TFPI: variants seen among roughly 807,000 people sequenced by gnomAD.
TFPI encodes the protein tissue factor pathway inhibitor.
A neutral mutation model predicts 34.6 loss-of-function variants in TFPI; 15 were observed. The ratio of observed to expected loss-of-function variants is 0.43; its 90% confidence interval spans 0.29 to 0.67. The LOEUF (loss-of-function observed/expected upper bound fraction) is 0.67. Ranked by LOEUF, TFPI falls within the 30% of genes least tolerant of loss-of-function variation. The pLI, the probability that TFPI is intolerant of heterozygous loss-of-function variation, is 0.15. For synonymous variants in TFPI, 105 were observed against 120.1 expected, an observed-to-expected ratio of 0.87 and a Z score of 0.82; for missense variants, 301 against 364.0, an observed-to-expected ratio of 0.83 and a Z score of 1.41.
At position 187,466,981 on chromosome 2, in the gene TFPI, C is replaced by T. The variant is rs1691746734; in HGVS notation, c.870G>A (p.Gln290=). ...TTTCTTCATATGCTATTTTCACTCTCTGCTTCTTTCTTTTTCTTTTGGTTT... is the reference window on the plus strand; with the variant it reads ...TTTCTTCATATGCTATTTTCACTCTTTGCTTCTTTCTTTTTCTTTTGGTTT... The part of the protein sequence containing the change: ...LIKTKRKRKK[Q]RVKIAYEEIF... The change falls in exon 8 of 8, where the codon CAG becomes CAA. Residue 290 remains glutamine (Q), a synonymous_variant. Transcript: ENST00000233156. 6.3e-7 allele frequency: 1 copy of T among 1,589,700 alleles called. No homozygotes were observed. The highest frequency in any genetic ancestry group is 1.1e-5 in the South Asian group (1 of 87,974).
chr2:187,478,232 T>A (rs1692516261), intron 6 of TFPI, among the ~76,000 whole-genome samples: 1 of 152,000 alleles, frequency 6.6e-6, no homozygotes, highest in Non-Finnish European at 1.5e-5. Context: ...TGGTGGCACA[T>A]GCCTGTAATC....
intron 6 of TFPI, among the ~76,000 whole-genome samples, chr2:187,481,006 T>C (rs1225016914): frequency 6.6e-6 from 1 of 152,096 alleles, no homozygotes; most frequent in Non-Finnish European, 1.5e-5. Context: ...ATTATGATAA[T>C]GTTTAACTAA....
intron 1 of TFPI, among the ~76,000 whole-genome samples, chr2:187,546,408 T>C (rs1309331526): frequency 1.6e-5 from 2 of 128,020 alleles, no homozygotes; most frequent in African/African-American, 6.1e-5. Flanking sequence ...TTATGGTATG[T>C]TATCGTCATT....
intron 1 of TFPI, among the ~76,000 whole-genome samples, chr2:187,536,815 T>C (rs1688283642): frequency 6.6e-6 from 1 of 152,212 alleles, no homozygotes; most frequent in Admixed American, 6.5e-5. Context: ...GCAGATGACA[T>C]GATTGTATAT....
chr2:187,505,370 A>G (rs1686137448), intron 1 of TFPI, among the ~76,000 whole-genome samples: 1 of 152,148 alleles, frequency 6.6e-6, no homozygotes, highest in Non-Finnish European at 1.5e-5. Flanking sequence ...TGCTAGGATT[A>G]GAAACCAGCT....
chr2:187,511,454 G>T (rs1040980866), intron 1 of TFPI, among the ~76,000 whole-genome samples: 21 of 152,016 alleles, frequency 1.4e-4, no homozygotes, highest in Admixed American at 1.1e-3. Flanking sequence ...TTTGTTTTGC[G>T]GTGTGCATGT....
At chr2:187,511,437 C>T (rs985261018) in intron 1 of TFPI, among the ~76,000 whole-genome samples, 4 of 152,078 alleles carry the variant, frequency 2.6e-5, no homozygotes, top group Non-Finnish European at 2.9e-5. Context: ...GCCCTTTTTA[C>T]TTGTTCTTTG....
At chr2:187,467,630 T>C in intron 7 of TFPI, 123 bp downstream of exon 7, 1 of 871,612 alleles carries the variant, frequency 1.1e-6, no homozygotes, top group South Asian at 3.5e-5. Context: ...AAGAGGACAT[T>C]TATTAGCTAG....
intron 1 of TFPI, chr2:187,513,740 C>T (rs1384277196): frequency 1.3e-5 from 2 of 152,582 alleles, no homozygotes; most frequent in East Asian, 1.9e-4. Context: ...GAAAACCCTA[C>T]CAAACTAAGC....
chr2:187,550,575 A>G (rs895113383), intron 1 of TFPI, among the ~76,000 whole-genome samples: 3 of 152,174 alleles, frequency 2.0e-5, no homozygotes, highest in African/African-American at 7.2e-5. Flanking sequence ...ATTACTAGGG[A>G]TGCAAAGAAC....
chr2:187,524,076 A>G (rs992037212), intron 1 of TFPI, among the ~76,000 whole-genome samples: 2 of 152,116 alleles, frequency 1.3e-5, no homozygotes, highest in Admixed American at 1.3e-4. Context: ...GCTGTAGCAT[A>G]TATGATTGCT....
At chr2:187,508,771 T>G (rs915102058) in intron 1 of TFPI, among the ~76,000 whole-genome samples, 1 of 152,184 alleles carries the variant, frequency 6.6e-6, no homozygotes, top group Admixed American at 6.5e-5. Context: ...TCTCTTCCTA[T>G]TTGAATAAAC....
chr2:187,485,130 A>G, intron 4 of TFPI, 143 bp from the exon 5 acceptor site: 1 of 576,726 alleles, frequency 1.7e-6, no homozygotes, highest in Non-Finnish European at 2.7e-6. Context: ...TTATCCATAA[A>G]TATACACTAT....
At chr2:187,480,715 T>G (rs909410783) in intron 6 of TFPI, among the ~76,000 whole-genome samples, 3 of 152,080 alleles carry the variant, frequency 2.0e-5, no homozygotes, top group African/African-American at 7.2e-5. Context: ...ATGGATATAC[T>G]CAACACAGCC....
intron 3 of TFPI, among the ~76,000 whole-genome samples, chr2:187,489,658 T>C (rs1408229808): frequency 1.3e-5 from 2 of 151,574 alleles, no homozygotes; most frequent in Admixed American, 1.3e-4. Flanking sequence ...GATGGGAATA[T>C]ATAAATGCTT....
At position 187,554,228 on chromosome 2, in the gene TFPI, A is replaced by T. The variant is rs1238079407; in HGVS notation, c.-31T>A. Reference sequence around the variant, plus strand: ...TAAAATCTCTGATGAAAGTTCTTGGAATGTTTTTTTCAAAACGGAGTTGAG... The same window carrying T: ...TAAAATCTCTGATGAAAGTTCTTGGTATGTTTTTTTCAAAACGGAGTTGAG... On this transcript the variant is annotated 5_prime_UTR_variant, in exon 1 of 8. Coordinates refer to ENST00000233156, the MANE Select transcript of TFPI (RefSeq NM_006287.6). 1.3e-5 allele frequency: 2 copies of T among 152,076 alleles called. No individual in the cohort carries two copies. Among genetic ancestry groups the T allele is most frequent in the Non-Finnish European group, 2.9e-5 (2 of 68,014 alleles). The allele number at this position is 152,076 out of a possible 1,614,324, so 9.4% of individuals were successfully genotyped here. A position where few individuals can be genotyped will look rare whatever the true frequency, so the allele number is the denominator to read the frequency against.
rs1688940351 is a variant in TFPI at position 187,547,688 on chromosome 2, A to G, written c.-3+6512T>C. 5 of 152,312 alleles carry G rather than the reference A, an allele frequency of 3.3e-5. No individual in the cohort carries two copies. In the South Asian group the frequency reaches 8.3e-4, roughly 25 times the overall value. 9.4% of individuals were successfully genotyped at this position (152,312 alleles called of 1,614,324 possible). ...AGAAAACCCATGAAGGATGAGAACT[A>G]TGGGTCCTGAGAATGACAGGTAATT... On this transcript the variant is annotated intron_variant, in intron 1 of 7. Transcript: ENST00000233156.
intron 1 of TFPI, among the ~76,000 whole-genome samples, chr2:187,536,761 AG>A (rs201986973): frequency 0.37 from 56,194 of 151,964 alleles, 11,517 homozygotes; most frequent in Non-Finnish European, 0.47. Flanking sequence ...AAAGAAATAA[AG>A]GGTATTCAAA....
intron 2 of TFPI, among the ~76,000 whole-genome samples, chr2:187,497,610 C>T (rs1196095081): frequency 2.0e-5 from 3 of 151,776 alleles, no homozygotes; most frequent in African/African-American, 7.3e-5. Context: ...TTTTAACTTA[C>T]CATACCATGC....
Sources: gnomAD v4.1 joint callset for allele counts (sites outside exome capture counted in the v4.1 genomes callset) on GRCh38, gnomAD v4.1.1 for gene constraint, MANE v1.5 for transcripts, NCBI Gene and HGNC (gene_info 2026-07-23, HGNC 2026-07-21) for gene names.